The following CDH13 variants were observed in gnomAD, a reference collection of about 807,000 sequenced individuals.
CDH13 encodes cadherin 13.
A neutral mutation model predicts 63.8 loss-of-function variants in CDH13; 24 were observed. The observed-to-expected ratio is 0.38, with a 90% CI of 0.27 to 0.53. CDH13 has a LOEUF of 0.53. Ranked by LOEUF, CDH13 falls within the 20% of genes least tolerant of loss-of-function variation. CDH13 has a pLI of 0.85. For missense variants in CDH13, 1,049 were observed against 903.1 expected, an observed-to-expected ratio of 1.16 and a Z score of -2.07; for synonymous variants, 503 against 355.3, an observed-to-expected ratio of 1.42 and a Z score of -4.67.
intron 1 of CDH13, among the ~76,000 whole-genome samples, chr16:82,668,537 C>T (rs925376409): frequency 6.6e-6 from 1 of 152,102 alleles, no homozygotes; most frequent in African/African-American, 2.4e-5. Flanking sequence ...GTTGTTTCTT[C>T]CTTAAGAAGG....
chr16:83,748,872 G>A (rs1410937642), intron 11 of CDH13, among the ~76,000 whole-genome samples: 2 of 152,262 alleles, frequency 1.3e-5, no homozygotes, highest in Non-Finnish European at 2.9e-5. Context: ...TGCCACGATT[G>A]TTCTCTGCTC....
chr16:82,946,474 C>G (rs1403801601), intron 2 of CDH13, among the ~76,000 whole-genome samples: 2 of 152,132 alleles, frequency 1.3e-5, no homozygotes, highest in African/African-American at 4.8e-5. Context: ...AATCCCAGCA[C>G]TTTGTGAGGC....
chr16:83,058,744 G>A (rs562143358), intron 3 of CDH13, among the ~76,000 whole-genome samples: 20 of 152,304 alleles, frequency 1.3e-4, no homozygotes, highest in African/African-American at 4.6e-4. Context: ...GAAAGCTTTT[G>A]AAGTCAGCAT....
At chr16:83,549,936 T>C (rs775727375) in intron 7 of CDH13, among the ~76,000 whole-genome samples, 51 of 152,310 alleles carry the variant, frequency 3.3e-4, no homozygotes, top group Non-Finnish European at 5.9e-4. Flanking sequence ...CATGCCAGTC[T>C]TTCCCACTCG....
intron 2 of CDH13, among the ~76,000 whole-genome samples, chr16:82,921,642 A>G (rs1391839998): frequency 2.0e-5 from 3 of 152,240 alleles, no homozygotes; most frequent in African/African-American, 7.2e-5. Context: ...TATTAAATAT[A>G]GCTTGCAAAT....
chr16:83,762,743 T>A (rs1255389783), intron 11 of CDH13, among the ~76,000 whole-genome samples: 1 of 152,196 alleles, frequency 6.6e-6, no homozygotes, highest in Non-Finnish European at 1.5e-5. Context: ...GCCTCCTTCT[T>A]ACTGGTAACC....
At chr16:83,590,521 G>A (rs1388343733) in intron 7 of CDH13, among the ~76,000 whole-genome samples, 2 of 152,192 alleles carry the variant, frequency 1.3e-5, no homozygotes, top group African/African-American at 2.4e-5. Flanking sequence ...GCATCTAGTG[G>A]AGACATCCAT....
chr16:83,431,090 A>G (rs919015172), intron 6 of CDH13, among the ~76,000 whole-genome samples: 4 of 151,316 alleles, frequency 2.6e-5, no homozygotes, highest in African/African-American at 9.7e-5. Flanking sequence ...TTCTTGCGAT[A>G]GTTTACTGAG....
chr16:83,607,804 A>T lies in CDH13; in HGVS notation c.1101+5210A>T, dbSNP rs563985725. 1.4e-3 allele frequency among the ~76,000 whole-genome samples: 214 copies of T among 152,296 alleles called. 1 individual carries two copies. The highest frequency in any genetic ancestry group is 5.0e-3 in the African/African-American group (207 of 41,556). ...GAACTTCTTACATAAGGTATTTTGA[A>T]ATGATCTGAGAAAATCTAGTTAAAC... is the stretch of plus-strand genomic sequence containing the variant. On this transcript the variant is annotated intron_variant, in intron 8 of 13. Transcript: ENST00000567109.
intron 1 of CDH13, among the ~76,000 whole-genome samples, chr16:82,692,609 G>A (rs764139116): frequency 2.0e-5 from 3 of 152,206 alleles, no homozygotes; most frequent in Non-Finnish European, 4.4e-5. Context: ...AATTCAAGAT[G>A]AGATTTGAAT....
At chr16:82,768,138 C>T (rs1181876794) in intron 1 of CDH13, among the ~76,000 whole-genome samples, 1 of 152,156 alleles carries the variant, frequency 6.6e-6, no homozygotes, top group Non-Finnish European at 1.5e-5. Flanking sequence ...AGAGACGCAC[C>T]TTGTGGCTGG....
Position 83,032,138 on chromosome 16 carries a change from G to A in CDH13, c.286G>A (p.Val96Ile), listed in dbSNP as rs200439811. 79 of 1,613,596 alleles carry A rather than the reference G, an allele frequency of 4.9e-5. 1 individual carries two copies. In the South Asian group the frequency reaches 5.8e-4, roughly 12 times the overall value. ...NITAVGKTLF[V>I]HARTPHAEDM... ...AACTGCAGTGGGCAAAACTCTGTTC[G>A]TCCATGCACGGACCCCCCATGCGGA... Residue 96 changes from valine (V) to isoleucine (I), a missense_variant, in exon 3 of 14, where the codon GTC becomes ATC. Transcript: ENST00000567109.
At chr16:83,196,984 C>T (rs1034350423) in intron 4 of CDH13, among the ~76,000 whole-genome samples, 4 of 152,176 alleles carry the variant, frequency 2.6e-5, no homozygotes, top group African/African-American at 9.7e-5. Flanking sequence ...AAAACCTGTA[C>T]ACAAATGTTC....
chr16:83,736,229 G>A (rs1282707770), intron 10 of CDH13, among the ~76,000 whole-genome samples: 4 of 152,140 alleles, frequency 2.6e-5, no homozygotes, highest in Non-Finnish European at 5.9e-5. Context: ...TCTGTGTAAT[G>A]CTTTTACCCA....
intron 4 of CDH13, among the ~76,000 whole-genome samples, chr16:83,142,160 GTTTTTTT>G (rs11445521): frequency 5.8e-5 from 7 of 120,384 alleles, no homozygotes; most frequent in African/African-American, 1.3e-4. Context: ...GTTTGTTTTT[GTTTTTTT>G]TTTTTTTTTT....
intron 7 of CDH13, among the ~76,000 whole-genome samples, chr16:83,582,614 G>A (rs1245072429): frequency 6.6e-6 from 1 of 152,188 alleles, no homozygotes; most frequent in East Asian, 1.9e-4. Flanking sequence ...AGGAGCCTGA[G>A]TGGCCAGGTC....
At chr16:83,038,147 G>C (rs1597198766) in intron 3 of CDH13, among the ~76,000 whole-genome samples, 1 of 152,220 alleles carries the variant, frequency 6.6e-6, no homozygotes, top group South Asian at 2.1e-4. Flanking sequence ...GTTTTGGAAG[G>C]AAAGATTCTC....
intron 5 of CDH13, among the ~76,000 whole-genome samples, chr16:83,312,133 A>T (rs929832130): frequency 6.8e-6 from 1 of 148,032 alleles, no homozygotes; most frequent in Non-Finnish European, 1.5e-5. Context: ...TATTGGTTGT[A>T]TTACAAGTTC....
chr16:82,757,227 C>A (rs932355271), intron 1 of CDH13, among the ~76,000 whole-genome samples: 1 of 152,212 alleles, frequency 6.6e-6, no homozygotes, highest in African/African-American at 2.4e-5. Flanking sequence ...CCTTTCCATG[C>A]CCCTGGATCC....
Sources: allele counts gnomAD v4.1 joint callset (sites outside exome capture counted in the v4.1 genomes callset), GRCh38; gene constraint gnomAD v4.1.1; transcripts MANE v1.5; gene names NCBI Gene and HGNC (gene_info 2026-07-23, HGNC 2026-07-21).